TTC27: variants seen among roughly 807,000 people sequenced by gnomAD.
TTC27 encodes tetratricopeptide repeat protein 27.
TTC27 carries 79 observed loss-of-function variants against 115.9 expected under a neutral mutation model. That is an observed-to-expected ratio of 0.68 (90% CI 0.57 to 0.82). The LOEUF (loss-of-function observed/expected upper bound fraction) is 0.82. Among genes scored for constraint, TTC27 ranks in the 40% least tolerant of loss-of-function variants. The pLI, the probability that TTC27 is intolerant of heterozygous loss-of-function variation, is 0.00. For missense variants in TTC27, 1,054 were observed against 993.1 expected, an observed-to-expected ratio of 1.06 and a Z score of -0.82; for synonymous variants, 401 against 356.0, an observed-to-expected ratio of 1.13 and a Z score of -1.42.
Position 32,672,318 on chromosome 2 carries a change from C to A in TTC27, c.986C>A (p.Ala329Glu). ...ACCATTCTGAATGACATAAAGTTAG[C>A]AGATTGTGAACAGTTCCAGATGCCG... ...DDTILNDIKL[A>E]DCEQFQMPDL... Residue 329 changes from alanine (A) to glutamate (E), a missense_variant, in exon 8 of 20, where the codon GCA (alanine) becomes GAA (glutamate). By Grantham distance (107) the Ala-to-Glu change is moderately radical (BLOSUM62 -1). Transcript: ENST00000317907. The A allele has an allele frequency of 6.2e-7, 1 of 1,613,804 alleles. No individual in the cohort carries two copies.
intron 16 of TTC27, among the ~76,000 whole-genome samples, chr2:32,803,806 G>T (rs769794530): frequency 4.6e-5 from 7 of 152,234 alleles, no homozygotes; most frequent in Non-Finnish European, 8.8e-5. Context: ...GGTCAGGAAT[G>T]ACCAGCCTGG....
rs538651667 is a variant in TTC27, at chr2:32,726,381, CT to C, written c.1234-7445del. Among the ~76,000 whole-genome samples the C allele has an allele frequency of 1.7e-3, 257 of 152,296 alleles. 1 individual carries two copies. The highest frequency in any genetic ancestry group is 6.0e-3 in the African/African-American group (248 of 41,566). The stretch of plus-strand genomic sequence containing the variant: ...TGAATGCTTTGCTGCTTAGAAGTTT[CT>C]TCCACCAGATACCCTAAATCATCTC... On this transcript the variant is annotated intron_variant, in intron 10 of 19. Transcript: ENST00000317907.
chr2:32,670,957 A>T (rs977030877), intron 7 of TTC27, among the ~76,000 whole-genome samples: 7 of 104,662 alleles, frequency 6.7e-5, no homozygotes, highest in Non-Finnish European at 1.3e-4. Context: ...TTGTCTTCTT[A>T]TTGAGTTCTA....
intron 16 of TTC27, 103 bp downstream of exon 16, chr2:32,787,252 A>G (rs1309671631): frequency 1.6e-6 from 2 of 1,259,350 alleles, no homozygotes; most frequent in Non-Finnish European, 2.2e-6. Flanking sequence ...ATTTTGTTAA[A>G]CACATGTAAC....
intron 16 of TTC27, among the ~76,000 whole-genome samples, chr2:32,806,766 G>A (rs1474888760): frequency 4.6e-5 from 7 of 151,652 alleles, no homozygotes; most frequent in South Asian, 2.1e-4. Flanking sequence ...GACCGACAGC[G>A]AGACTTTGTC....
Position 32,777,969 on chromosome 2 carries a change from C to G in TTC27, c.1768C>G (p.Leu590Val), listed in dbSNP as rs776065560. 1.4e-5 allele frequency: 22 copies of G among 1,614,020 alleles called. No homozygotes were observed. Among genetic ancestry groups the G allele is most frequent in the Non-Finnish European group, 1.9e-5 (22 of 1,179,974 alleles). Residue 590 changes from leucine to valine, a missense_variant, in exon 14 of 20, where the codon CTA becomes GTA. Leu to Val is a conservative substitution (Grantham distance 32). Transcript: ENST00000317907. The stretch of plus-strand genomic sequence containing the variant: ...AAAGGCATTTCAGCGCTGTGTGACT[C>G]TAGAACCCGATGTAAGTTTGTTTGA... Reference protein sequence around the residue: ...SAKAFQRCVTLEPDNAEAWNN... With the variant: ...SAKAFQRCVTVEPDNAEAWNN...
rs572240943 is a variant in TTC27, at chr2:32,653,334, C to G, written c.640+3101C>G. On this transcript the variant is annotated intron_variant, in intron 5 of 19. Coordinates refer to ENST00000317907, the MANE Select transcript of TTC27 (RefSeq NM_017735.5). ...AAAACAGTCTCCACGGTGGCTCATG[C>G]CTGTAATCCCAGCACTTTGGGAGGC... 2.6e-5 allele frequency among the ~76,000 whole-genome samples: 4 copies of G among 152,222 alleles called. No homozygotes were observed. The Middle Eastern group carries it at 0.014, about 518-fold the overall frequency.
chr2:32,670,654 A>G (rs375042630), intron 7 of TTC27, among the ~76,000 whole-genome samples: 8 of 150,740 alleles, frequency 5.3e-5, no homozygotes, highest in Non-Finnish European at 8.9e-5. Flanking sequence ...ATCTCGCTCT[A>G]TTGCCCAGGC....
chr2:32,750,308 C>G (rs1385627137), intron 12 of TTC27, among the ~76,000 whole-genome samples: 1 of 152,196 alleles, frequency 6.6e-6, no homozygotes, highest in Non-Finnish European at 1.5e-5. Context: ...GTTGGAAGGA[C>G]AAGGTATACA....
intron 9 of TTC27, among the ~76,000 whole-genome samples, chr2:32,691,593 C>G (rs1666813754): frequency 1.3e-5 from 2 of 152,152 alleles, no homozygotes; most frequent in African/African-American, 4.8e-5. Flanking sequence ...GCCACCGCGC[C>G]TGGCCTGCAT....
At chr2:32,715,902 C>G (rs990734826) in intron 10 of TTC27, among the ~76,000 whole-genome samples, 3 of 151,392 alleles carry the variant, frequency 2.0e-5, no homozygotes, top group Non-Finnish European at 2.9e-5. Context: ...TTACCACACT[C>G]TGCAGGAATT....
At chr2:32,696,317 TCTCA>T in intron 9 of TTC27, among the ~76,000 whole-genome samples, 1 of 151,290 alleles carries the variant, frequency 6.6e-6, no homozygotes. Context: ...TGAGACAGAG[TCTCA>T]CTCTGTCGCC....
Position 32,762,659 on chromosome 2 carries a change from A to G in TTC27, c.1680+4140A>G, listed in dbSNP as rs1470868548. Among the ~76,000 whole-genome samples, 3 of 150,672 alleles carry G rather than the reference A, an allele frequency of 2.0e-5. No homozygotes were observed. The East Asian group carries it at 5.8e-4, about 29-fold the overall frequency. The stretch of plus-strand genomic sequence containing the variant: ...TTTTTTGTTTTGTTTTTTGAGATGG[A>G]GTCTCGCTCTGTCACCCAGGCTGGA... On this transcript the variant is annotated intron_variant, in intron 13 of 19. Coordinates refer to ENST00000317907, the MANE Select transcript of TTC27 (RefSeq NM_017735.5).
At chr2:32,684,180 T>C (rs1254338784) in intron 9 of TTC27, among the ~76,000 whole-genome samples, 1 of 151,670 alleles carries the variant, frequency 6.6e-6, no homozygotes, top group African/African-American at 2.4e-5. Context: ...GTTTGTTTGG[T>C]TTTTTGTTCT....
intron 10 of TTC27, among the ~76,000 whole-genome samples, chr2:32,723,970 G>GTTTTTTTTTTTTTTTTTTTTT (rs1668025651): frequency 9.1e-5 from 6 of 66,268 alleles, no homozygotes; most frequent in Non-Finnish European, 1.5e-4. Context: ...GCATACATAA[G>GTTTTTTTTTTTTTTTTTTTTT]CTTTTTTTTT....
intron 19 of TTC27, among the ~76,000 whole-genome samples, chr2:32,820,403 A>C (rs915062201): frequency 6.6e-6 from 1 of 152,246 alleles, no homozygotes; most frequent in African/African-American, 2.4e-5. Context: ...GCCTAAGCGA[A>C]ATTAATTTTC....
chr2:32,705,624 C>T lies in TTC27; in HGVS notation c.1233+2704C>T, dbSNP rs139823040. On this transcript the variant is annotated intron_variant, in intron 10 of 19. Transcript: ENST00000317907. ...GGAGTGCAGTGGTGTGATCATTGCT[C>T]TCTGCAGCCTTTGCCTCCTGTGCTC... 9.3e-3 allele frequency among the ~76,000 whole-genome samples: 1,420 copies of T among 152,224 alleles called. 11 individuals carry two copies. Among genetic ancestry groups the T allele is most frequent in the Middle Eastern group, 0.024 (7 of 294 alleles).
intron 5 of TTC27, among the ~76,000 whole-genome samples, chr2:32,653,500 AG>A (rs1402205598): frequency 1.3e-5 from 2 of 151,580 alleles, no homozygotes; most frequent in East Asian, 3.9e-4. Flanking sequence ...AGGTTGAGGT[AG>A]GAGAATCTCT....
intron 8 of TTC27, among the ~76,000 whole-genome samples, chr2:32,677,532 C>G (rs72787549): frequency 0.057 from 8,626 of 152,170 alleles, 365 homozygotes; most frequent in East Asian, 0.21. Flanking sequence ...TCACTGCAAC[C>G]TCCGCCTCAC....
Sources: allele counts gnomAD v4.1 joint callset (sites outside exome capture counted in the v4.1 genomes callset), GRCh38; gene constraint gnomAD v4.1.1; transcripts MANE v1.5; gene names NCBI Gene and HGNC (gene_info 2026-07-23, HGNC 2026-07-21).